The following CTNND2 variants were observed in gnomAD, a reference collection of about 807,000 sequenced individuals.
CTNND2 encodes the protein catenin delta-2.
In CTNND2, 22 loss-of-function variants were observed where a neutral mutation model predicts 144.4. The observed-to-expected ratio is 0.15, with a 90% CI of 0.11 to 0.22. The LOEUF (loss-of-function observed/expected upper bound fraction) is 0.22, where lower values mean the gene tolerates loss of function less well. Among genes scored for constraint, CTNND2 ranks in the 10% least tolerant of loss-of-function variants. CTNND2 has a pLI of 1.00. For missense variants in CTNND2, 1,353 were observed against 1,618.8 expected, an observed-to-expected ratio of 0.84 and a Z score of 2.82; for synonymous variants, 751 against 695.6, an observed-to-expected ratio of 1.08 and a Z score of -1.25.
chr5:11,121,509 G>T (rs1036870752), intron 12 of CTNND2, among the ~76,000 whole-genome samples: 1 of 152,114 alleles, frequency 6.6e-6, no homozygotes, highest in South Asian at 2.1e-4. Context: ...ATTGTCAGTT[G>T]CTATGTCATT....
chr5:11,475,377 A>C (rs1767627298), intron 3 of CTNND2, among the ~76,000 whole-genome samples: 1 of 152,336 alleles, frequency 6.6e-6, no homozygotes, highest in East Asian at 1.9e-4. Flanking sequence ...AAAAGTGAAC[A>C]ATTAATGGCA....
chr5:11,842,265 G>C (rs1367867963), intron 1 of CTNND2, among the ~76,000 whole-genome samples: 1 of 152,140 alleles, frequency 6.6e-6, no homozygotes, highest in East Asian at 1.9e-4. Context: ...ACAGATTAAA[G>C]AACAAAGATG....
At chr5:11,889,660 A>G (rs186984996) in intron 1 of CTNND2, among the ~76,000 whole-genome samples, 1 of 152,352 alleles carries the variant, frequency 6.6e-6, no homozygotes, top group Admixed American at 6.5e-5. Flanking sequence ...TAAAAGCAAT[A>G]CTTCATTTTA....
chr5:11,138,032 T>C (rs1169072335), intron 12 of CTNND2, among the ~76,000 whole-genome samples: 1 of 152,240 alleles, frequency 6.6e-6, no homozygotes, highest in Non-Finnish European at 1.5e-5. Context: ...AAAATCTGTT[T>C]CCTTGCTTAT....
intron 3 of CTNND2, among the ~76,000 whole-genome samples, chr5:11,474,278 T>C (rs2149961516): frequency 6.6e-6 from 1 of 152,336 alleles, no homozygotes; most frequent in African/African-American, 2.4e-5. Context: ...CTCCATGCAC[T>C]GGACAAGGCA....
intron 9 of CTNND2, among the ~76,000 whole-genome samples, chr5:11,334,940 G>A (rs1753586362): frequency 6.6e-6 from 1 of 152,226 alleles, no homozygotes; most frequent in Non-Finnish European, 1.5e-5. Flanking sequence ...GGATACTTCT[G>A]TCATCTTACT....
At chr5:11,492,870 A>T (rs944747390) in intron 3 of CTNND2, among the ~76,000 whole-genome samples, 3 of 152,070 alleles carry the variant, frequency 2.0e-5, no homozygotes, top group Admixed American at 6.6e-5. Flanking sequence ...TAGGAGAGTA[A>T]GACCAGTATG....
At chr5:11,401,113 T>C (rs1760612395) in intron 5 of CTNND2, among the ~76,000 whole-genome samples, 1 of 152,170 alleles carries the variant, frequency 6.6e-6, no homozygotes, top group Non-Finnish European at 1.5e-5. Flanking sequence ...ACAAAATCAA[T>C]CTCAGAAGAT....
intron 10 of CTNND2, among the ~76,000 whole-genome samples, chr5:11,221,934 T>C (rs975612677): frequency 3.9e-5 from 6 of 152,152 alleles, no homozygotes; most frequent in Non-Finnish European, 7.3e-5. Context: ...TTATGGTGGA[T>C]ATAAAGTTAA....
At chr5:11,148,076 T>C (rs1757417249) in intron 12 of CTNND2, among the ~76,000 whole-genome samples, 1 of 152,190 alleles carries the variant, frequency 6.6e-6, no homozygotes, top group African/African-American at 2.4e-5. Flanking sequence ...GTCATAAAAG[T>C]CATCTATTGT....
intron 20 of CTNND2, among the ~76,000 whole-genome samples, 190 bp from the exon 21 acceptor site, chr5:10,982,036 A>G (rs991857611): frequency 1.3e-5 from 2 of 152,232 alleles, no homozygotes; most frequent in African/African-American, 4.8e-5. Context: ...CAGTTATTCT[A>G]GAAAATCCCC....
intron 2 of CTNND2, among the ~76,000 whole-genome samples, chr5:11,592,193 T>TTTCTTCCA (rs1779287044): frequency 6.6e-6 from 1 of 151,466 alleles, no homozygotes; most frequent in African/African-American, 2.4e-5. Flanking sequence ...CCTTCCTGCC[T>TTTCTTCCA]GCCTGCCTTC....
intron 2 of CTNND2, among the ~76,000 whole-genome samples, chr5:11,693,468 A>T (rs1273606122): frequency 2.0e-5 from 3 of 152,170 alleles, no homozygotes; most frequent in East Asian, 3.9e-4. Flanking sequence ...TTTTGTTTTT[A>T]TTTTGTTTTG....
At chr5:11,005,307 C>T (rs184105894) in intron 18 of CTNND2, among the ~76,000 whole-genome samples, 25 of 152,266 alleles carry the variant, frequency 1.6e-4, no homozygotes, top group Admixed American at 5.2e-4. Flanking sequence ...CGGAAGTCAG[C>T]GCAGGGAGGT....
chr5:11,432,129 T>TTA (rs1561384463), intron 3 of CTNND2, among the ~76,000 whole-genome samples: 7 of 150,634 alleles, frequency 4.6e-5, no homozygotes, highest in African/African-American at 1.7e-4. Flanking sequence ...GGCTTTTTTT[T>TTA]TTTTTTTTTT....
intron 3 of CTNND2, among the ~76,000 whole-genome samples, chr5:11,529,696 T>C (rs1051538538): frequency 6.6e-6 from 1 of 152,206 alleles, no homozygotes; most frequent in African/African-American, 2.4e-5. Flanking sequence ...ATTATGCAGA[T>C]AGTTTAAGCT....
At chr5:11,259,634 T>G (rs1744658214) in intron 9 of CTNND2, among the ~76,000 whole-genome samples, 1 of 152,218 alleles carries the variant, frequency 6.6e-6, no homozygotes, top group Non-Finnish European at 1.5e-5. Context: ...CAAATGGCAA[T>G]GACATATAGG....
intron 1 of CTNND2, among the ~76,000 whole-genome samples, chr5:11,899,308 T>G (rs1192842486): frequency 1.3e-5 from 2 of 152,238 alleles, no homozygotes; most frequent in Non-Finnish European, 2.9e-5. Flanking sequence ...AACATTAATC[T>G]TTGTAGAAAA....
chr5:11,479,062 TG>T (rs1768006088), intron 3 of CTNND2, among the ~76,000 whole-genome samples: 1 of 152,152 alleles, frequency 6.6e-6, no homozygotes, highest in African/African-American at 2.4e-5. Context: ...ACTTGTGTCA[TG>T]GGGGTTTGCT....
Sources: gnomAD v4.1 joint callset for allele counts (sites outside exome capture counted in the v4.1 genomes callset) on GRCh38, gnomAD v4.1.1 for gene constraint, MANE v1.5 for transcripts, NCBI Gene and HGNC (gene_info 2026-07-23, HGNC 2026-07-21) for gene names.